The following KIF7 variants were observed in gnomAD, a reference collection of about 807,000 sequenced individuals.
The protein encoded by KIF7 is kinesin family member 7, also known as kinesin-like protein KIF7.
In KIF7, 104 loss-of-function variants were observed where a neutral mutation model predicts 135.7. That is an observed-to-expected ratio of 0.77 (90% confidence interval 0.65 to 0.90). The LOEUF (loss-of-function observed/expected upper bound fraction) is 0.90. Among genes scored for constraint, KIF7 ranks in the 40% least tolerant of loss-of-function variants. The probability of loss-of-function intolerance (pLI) is 0.00; values close to 1 mark genes in which losing one functional copy is unlikely to be tolerated. For missense variants in KIF7, 2,005 were observed against 1,839.1 expected, an observed-to-expected ratio of 1.09 and a Z score of -1.65; for synonymous variants, 883 against 809.4, an observed-to-expected ratio of 1.09 and a Z score of -1.54.
intron 14 of KIF7, among the ~76,000 whole-genome samples, chr15:89,632,454 A>T (rs1261241177): frequency 6.6e-6 from 1 of 152,166 alleles, no homozygotes; most frequent in Non-Finnish European, 1.5e-5. Flanking sequence ...GGAGGGGGTT[A>T]ATGAGTGAAA....
At chr15:89,654,171 G>C (rs1009860428) in intron 1 of KIF7, among the ~76,000 whole-genome samples, 3 of 151,860 alleles carry the variant, frequency 2.0e-5, no homozygotes, top group Non-Finnish European at 4.4e-5. Context: ...CACCACGCCC[G>C]GCTAATTTTT....
chr15:89,652,614 T>A lies in KIF7; in HGVS notation c.317A>T (p.Glu106Val), dbSNP rs747819025. The change falls in exon 2 of 19, where the codon GAG becomes GTG. Residue 106 changes from glutamate (E) to valine (V), a missense_variant. Glu to Val is a moderately radical substitution (Grantham distance 121). Coordinates refer to ENST00000394412, the MANE Select transcript of KIF7 (RefSeq NM_198525.3). ...TGSGKTYTMGEASVASLLEDE... is the reference protein window; with the variant it reads ...TGSGKTYTMGVASVASLLEDE... ...ACAGGGTCACTCACCCACACTGGCC[T>A]CCCCCATGGTGTATGTCTTCCCTGA... The A allele has an allele frequency of 6.6e-7, 1 of 1,525,888 alleles. No individual in the cohort carries two copies. The highest frequency in any genetic ancestry group is 8.9e-7 in the Non-Finnish European group (1 of 1,128,044). 94.5% of individuals were successfully genotyped at this position (1,525,888 alleles called of 1,614,324 possible). A position where few individuals can be genotyped will look rare whatever the true frequency, so the allele number is the denominator to read the frequency against.
intron 2 of KIF7, 59 bp downstream of exon 2, chr15:89,652,544 T>G: frequency 7.7e-7 from 1 of 1,306,838 alleles, no homozygotes; most frequent in Admixed American, 2.4e-5. Flanking sequence ...AAGGCAGAAA[T>G]CCAGGAAGGA....
At chr15:89,624,681 T>C, downstream of KIF7, 1 of 1,614,112 alleles carries the variant, frequency 6.2e-7, no homozygotes, top group Non-Finnish European at 8.5e-7. Context: ...CTCTGCTCAT[T>C]ACAAGTGACA....
rs1483258643 is a variant in KIF7, at chr15:89,649,172, T to C, written c.725A>G (p.Gln242Arg). Residue 242 changes from glutamine (Q) to arginine (R), a missense_variant, in exon 4 of 19, where the codon CAG becomes CGG. Physicochemically the swap from Gln to Arg is conservative, Grantham distance 43 (BLOSUM62 1). Coordinates refer to ENST00000394412, the MANE Select transcript of KIF7 (RefSeq NM_198525.3). ...GAAGTGGAACTTGGAGACGAGCAGCTGGCCCGGGGCGGGGCGGGGTAGGCG... is the reference window on the plus strand; with the variant it reads ...GAAGTGGAACTTGGAGACGAGCAGCCGGCCCGGGGCGGGGCGGGGTAGGCG... ...PSRLPRPAPG[Q>R]LLVSKFHFVD... is the part of the protein sequence containing the mutation. The C allele has an allele frequency of 1.9e-6, 3 of 1,548,034 alleles. No homozygotes were observed. Among genetic ancestry groups the C allele is most frequent in the East Asian group, 4.9e-5 (2 of 40,896 alleles).
chr15:89,637,185 T>A, intron 11 of KIF7, among the ~76,000 whole-genome samples: 5 of 121,768 alleles, frequency 4.1e-5, no homozygotes, highest in Admixed American at 1.7e-4. Context: ...AAGCAGTGTG[T>A]AGAGGGAAAT....
chr15:89,651,938 ACTGT>A (rs1964130175), intron 2 of KIF7, among the ~76,000 whole-genome samples: 1 of 152,172 alleles, frequency 6.6e-6, no homozygotes, highest in Non-Finnish European at 1.5e-5. Context: ...AGAGACAGCG[ACTGT>A]CTGTAAGGAA....
chr15:89,651,990 T>A (rs1964131407), intron 2 of KIF7, among the ~76,000 whole-genome samples: 1 of 152,296 alleles, frequency 6.6e-6, no homozygotes, highest in South Asian at 2.1e-4. Flanking sequence ...CATCTTAAAC[T>A]TCCCAGCCTC....
intron 1 of KIF7, among the ~76,000 whole-genome samples, chr15:89,653,417 C>T (rs1964156603): frequency 6.6e-6 from 1 of 152,212 alleles, no homozygotes; most frequent in Non-Finnish European, 1.5e-5. Context: ...CCACCAAATC[C>T]TGCCAATTCC....
chr15:89,625,352 T>C (rs1197570922), downstream of KIF7: 5 of 1,613,816 alleles, frequency 3.1e-6, no homozygotes, highest in Non-Finnish European at 2.5e-6. Flanking sequence ...ACTCCAGACA[T>C]AATTAAAGAC....
At chr15:89,642,848 C>T (rs1055824685) in intron 10 of KIF7, among the ~76,000 whole-genome samples, 6 of 152,224 alleles carry the variant, frequency 3.9e-5, no homozygotes, top group Non-Finnish European at 8.8e-5. Context: ...GGATTACAGG[C>T]GTGAGCCACC....
chr15:89,659,440 A>G (rs534140597), upstream of KIF7, among the ~76,000 whole-genome samples: 153 of 150,944 alleles, frequency 1.0e-3, no homozygotes, highest in African/African-American at 3.7e-3. Context: ...AAGGAAGGGG[A>G]AAGAAAGAGA....
At chr15:89,642,918 T>C (rs1963949426) in intron 10 of KIF7, among the ~76,000 whole-genome samples, 1 of 152,220 alleles carries the variant, frequency 6.6e-6, no homozygotes, top group Admixed American at 6.5e-5. Context: ...CCCAAGGAAA[T>C]TACAAATTAG....
At chr15:89,655,156 C>T (rs546155275) in intron 1 of KIF7, among the ~76,000 whole-genome samples, 1 of 152,232 alleles carries the variant, frequency 6.6e-6, no homozygotes, top group African/African-American at 2.4e-5. Context: ...GCGCTCGCCC[C>T]TCCACGCAGG....
At chr15:89,637,736 G>C (rs1245457792) in intron 11 of KIF7, among the ~76,000 whole-genome samples, 2 of 145,400 alleles carry the variant, frequency 1.4e-5, no homozygotes, top group Non-Finnish European at 3.0e-5. Flanking sequence ...AATTCTACCA[G>C]AGGTACAAGG....
At chr15:89,625,500 C>T, downstream of KIF7, 4 of 1,613,984 alleles carry the variant, frequency 2.5e-6, no homozygotes, top group African/African-American at 1.3e-5. Flanking sequence ...TCAGCATCCA[C>T]AGGACGCCCA....
chr15:89,628,512 G>T lies in KIF7; in HGVS notation c.3939C>A (p.Gly1313=). ...ACAAAGGCCCAAAGTTCCAGGGCAG[G>T]CCTGCCTCACCCACAGGAAGCACCC... ...VGRVLPVGEA[G]LPWNFGPLSK... Residue 1313 remains glycine, a synonymous_variant, in exon 19 of 19, where the codon GGC becomes GGA. Transcript: ENST00000394412. 1.9e-6 allele frequency: 3 copies of T among 1,613,108 alleles called. No homozygotes were observed. The South Asian group carries it at 3.3e-5, about 18-fold the overall frequency.
intron 14 of KIF7, among the ~76,000 whole-genome samples, chr15:89,632,153 CAG>C (rs1395531376): frequency 2.6e-5 from 4 of 152,208 alleles, no homozygotes; most frequent in African/African-American, 9.6e-5. Flanking sequence ...TCCTGGACAT[CAG>C]AGTGATGCGT....
upstream of KIF7, among the ~76,000 whole-genome samples, chr15:89,659,014 G>C (rs1596034887): frequency 6.6e-6 from 1 of 152,080 alleles, no homozygotes; most frequent in South Asian, 2.1e-4. Flanking sequence ...CCACAGGAAA[G>C]GTTAAAAACA....
Sources: gnomAD v4.1 joint callset for allele counts (sites outside exome capture counted in the v4.1 genomes callset) on GRCh38, gnomAD v4.1.1 for gene constraint, MANE v1.5 for transcripts, NCBI Gene and HGNC (gene_info 2026-07-23, HGNC 2026-07-21) for gene names.